Variants in SLCO1A2 observed in about 807,000 individuals in gnomAD.
SLCO1A2 encodes the protein solute carrier organic anion transporter family member 1A2, also known as OATP-1.
SLCO1A2 carries 67 observed loss-of-function variants against 69.0 expected under a neutral mutation model. The ratio of observed to expected loss-of-function variants is 0.97; its 90% CI spans 0.80 to 1.19. The LOEUF (loss-of-function observed/expected upper bound fraction) is 1.19, where lower values mean the gene tolerates loss of function less well. Ranked by LOEUF, SLCO1A2 falls within the 50% of genes most tolerant of loss-of-function variation. The probability of loss-of-function intolerance (pLI) is 0.00; values close to 1 mark genes in which losing one functional copy is unlikely to be tolerated. For synonymous variants in SLCO1A2, 260 were observed against 265.9 expected (o/e 0.98, Z 0.22); for missense variants, 787 against 793.7 (o/e 0.99, Z 0.10).
At chr12:21,401,731 G>A (rs967105121) in intron 1 of SLCO1A2, among the ~76,000 whole-genome samples, 12 of 151,326 alleles carry the variant, frequency 7.9e-5, no homozygotes, top group Admixed American at 5.9e-4. Flanking sequence ...AAAGATGATC[G>A]GTACCTGACA....
rs909924281 is a variant in SLCO1A2 at position 21,268,734 on chromosome 12, T to C, written c.*814A>G. 2.6e-5 allele frequency: 4 copies of C among 152,064 alleles called. No individual in the cohort carries two copies. The highest frequency in any genetic ancestry group is 9.7e-5 in the African/African-American group (4 of 41,440). The allele number at this position is 152,064 out of a possible 1,614,324, so 9.4% of individuals were successfully genotyped here. A position where few individuals can be genotyped will look rare whatever the true frequency, so the allele number is the denominator to read the frequency against. On this transcript the variant is annotated 3_prime_UTR_variant, in exon 15 of 15. Transcript: ENST00000683939. ...ACATCGGTCTAAAGAGTCCTGAATC[T>C]TAGAAAGTGGTTCTTTGACAATATC...
upstream of SLCO1A2, among the ~76,000 whole-genome samples, chr12:21,339,016 T>C (rs1361345324): frequency 6.6e-6 from 1 of 151,996 alleles, no homozygotes; most frequent in Non-Finnish European, 1.5e-5. Flanking sequence ...CTATTCCTCA[T>C]CTCTGATATT....
intron 1 of SLCO1A2, among the ~76,000 whole-genome samples, chr12:21,380,819 T>C (rs1565524451): frequency 6.6e-6 from 1 of 152,010 alleles, no homozygotes; most frequent in Non-Finnish European, 1.5e-5. Context: ...CTAGAATGGG[T>C]AGCTAGGCAA....
chr12:21,339,183 A>G (rs1007999044), upstream of SLCO1A2, among the ~76,000 whole-genome samples: 53 of 152,042 alleles, frequency 3.5e-4, 1 homozygote, highest in Admixed American at 6.6e-5. Flanking sequence ...AATCCACTAC[A>G]TTCCAAGCAC....
chr12:21,319,609 A>C, intron 2 of SLCO1A2: 1 of 473,964 alleles, frequency 2.1e-6, no homozygotes, highest in Non-Finnish European at 3.6e-6. Flanking sequence ...CCACACAAAA[A>C]TGAGACTCCA....
chr12:21,276,417 CACACACAG>C (rs1943841914), intron 12 of SLCO1A2, among the ~76,000 whole-genome samples: 1 of 138,362 alleles, frequency 7.2e-6, no homozygotes, highest in Non-Finnish European at 1.6e-5. Context: ...CACACACACA[CACACACAG>C]ACCTATCTGT....
intron 2 of SLCO1A2, among the ~76,000 whole-genome samples, chr12:21,368,635 G>T (rs1488468179): frequency 1.3e-5 from 2 of 152,072 alleles, no homozygotes; most frequent in African/African-American, 4.8e-5. Flanking sequence ...AAAATTATGT[G>T]ATCTCTAGGA....
chr12:21,415,216 A>T (rs1765499078), intron 1 of SLCO1A2, among the ~76,000 whole-genome samples: 2 of 151,896 alleles, frequency 1.3e-5, no homozygotes, highest in South Asian at 2.1e-4. Context: ...TTTATTTTAA[A>T]ATTTACATCT....
chr12:21,378,450 T>C (rs1319881411), intron 1 of SLCO1A2: 2 of 1,567,766 alleles, frequency 1.3e-6, no homozygotes, highest in Non-Finnish European at 8.8e-7. Context: ...TCTATAGTTA[T>C]TGTTTTATGT....
At chr12:21,331,399 G>T (rs1422478649) in intron 2 of SLCO1A2, among the ~76,000 whole-genome samples, 1 of 152,014 alleles carries the variant, frequency 6.6e-6, no homozygotes, top group Non-Finnish European at 1.5e-5. Flanking sequence ...CTTTTTTTCA[G>T]TTATGAGGAA....
At chr12:21,416,337 A>G (rs1277501211) in intron 1 of SLCO1A2, among the ~76,000 whole-genome samples, 1 of 147,286 alleles carries the variant, frequency 6.8e-6, no homozygotes, top group Admixed American at 6.9e-5. Flanking sequence ...ATGAATGAAG[A>G]TTCACTATAG....
At chr12:21,293,286 G>A (rs1293306477) in intron 11 of SLCO1A2, among the ~76,000 whole-genome samples, 1 of 152,088 alleles carries the variant, frequency 6.6e-6, no homozygotes, top group Non-Finnish European at 1.5e-5. Flanking sequence ...TTAGGCGACA[G>A]AGTGAGACTC....
Position 21,275,389 on chromosome 12 carries a change from C to G in SLCO1A2, c.1646G>C (p.Gly549Ala), listed in dbSNP as rs774299312. ...MKSEEKSLGV[G>A]LHTFCTRVFA... ...TACTCTTGTGCAAAATGTATGTAAT[C>G]CCACACCAAGGGACTTCTCTTCAGA... Residue 549 changes from glycine (G) to alanine (A), a missense_variant, in exon 13 of 15, where the codon GGA becomes GCA. Gly to Ala is a moderately conservative substitution (Grantham distance 60). Coordinates refer to ENST00000683939, the MANE Select transcript of SLCO1A2 (RefSeq NM_001386879.1). The G allele has an allele frequency of 6.4e-7, 1 of 1,551,782 alleles. No homozygotes were observed. The highest frequency in any genetic ancestry group is 1.4e-5 in the African/African-American group (1 of 73,538).
intron 1 of SLCO1A2, among the ~76,000 whole-genome samples, chr12:21,410,619 T>C (rs1012035310): frequency 6.6e-6 from 1 of 152,192 alleles, no homozygotes; most frequent in Admixed American, 6.5e-5. Context: ...GGGAATAGAC[T>C]TGCCTGTGAA....
rs1942015304 is a variant in SLCO1A2 at position 21,265,851 on chromosome 12, C to A, written c.*3697G>T. The A allele has an allele frequency of 6.6e-6, 1 of 151,912 alleles. No individual in the cohort carries two copies. The highest frequency in any genetic ancestry group is 1.5e-5 in the Non-Finnish European group (1 of 68,006). The allele number at this position is 151,912 out of a possible 1,614,324, so 9.4% of individuals were successfully genotyped here. A position where few individuals can be genotyped will look rare whatever the true frequency, so the allele number is the denominator to read the frequency against. ...ATGCCAGAACAGGAATTCTCCAGGC[C>A]CAGTAAATAAGAACCATTCTGTCAA... On this transcript the variant is annotated 3_prime_UTR_variant, in exon 15 of 15. Transcript: ENST00000683939.
In SLCO1A2 at chr12:21,292,195, C is replaced by T; in HGVS notation, c.1579G>A (p.Ala527Thr). 1.9e-6 allele frequency: 3 copies of T among 1,605,684 alleles called. No homozygotes were observed. The highest frequency in any genetic ancestry group is 2.6e-6 in the Non-Finnish European group (3 of 1,175,752). ...SAMSSFIYSL[A>T]AIPGYMVLLR... ...AGAACCATATATCCAGGTATGGCAG[C>T]CAAAGAATAAATGAAACTGCTCATC... Residue 527 changes from alanine to threonine, a missense_variant, in exon 12 of 15, where the codon GCT becomes ACT. By Grantham distance (58) the Ala-to-Thr change is moderately conservative. Coordinates refer to ENST00000683939, the MANE Select transcript of SLCO1A2 (RefSeq NM_001386879.1).
rs1941716742 is a variant in SLCO1A2 at position 21,401,871 on chromosome 12, TATATG to T, written c.-312+16006_-312+16010del. Among the ~76,000 whole-genome samples the T allele has an allele frequency of 2.6e-5, 4 of 151,588 alleles. No homozygotes were observed. The South Asian group carries it at 8.3e-4, about 31-fold the overall frequency. On this transcript the variant is annotated intron_variant, in intron 1 of 4. Transcript: ENST00000413682. ...AATATAAATATAAATGAAAATGTAT[TATATG>T]ATAAACACTTCAGCAGAAATATACA...
chr12:21,365,508 CACCA>C, intron 2 of SLCO1A2, among the ~76,000 whole-genome samples: 1 of 152,134 alleles, frequency 6.6e-6, no homozygotes, highest in Non-Finnish European at 1.5e-5. Context: ...ATGACTAAAA[CACCA>C]AAAGCAATGG....
chr12:21,334,196 T>C (rs1952783577), intron 2 of SLCO1A2, among the ~76,000 whole-genome samples: 2 of 152,090 alleles, frequency 1.3e-5, no homozygotes, highest in Admixed American at 6.6e-5. Flanking sequence ...GGTAATTGCA[T>C]ACAAATCAAC....
Sources: gnomAD v4.1 joint callset for allele counts (sites outside exome capture counted in the v4.1 genomes callset) on GRCh38, gnomAD v4.1.1 for gene constraint, MANE v1.5 for transcripts, NCBI Gene and HGNC (gene_info 2026-07-23, HGNC 2026-07-21) for gene names.